The following IMMP2L variants were observed in gnomAD, a reference collection of about 807,000 sequenced individuals.
IMMP2L encodes mitochondrial inner membrane protease subunit 2.
A neutral mutation model predicts 19.3 loss-of-function variants in IMMP2L; 18 were observed. The observed-to-expected ratio is 0.93, with a 90% CI of 0.64 to 1.38. The LOEUF is 1.38. Ranked by LOEUF, IMMP2L falls within the 40% of genes most tolerant of loss-of-function variation. IMMP2L has a pLI of 0.00. For missense variants in IMMP2L, 233 were observed against 218.2 expected, an observed-to-expected ratio of 1.07 and a Z score of -0.43; for synonymous variants, 76 against 73.0, an observed-to-expected ratio of 1.04 and a Z score of -0.21.
At chr7:111,159,663 G>C (rs1189873911) in intron 3 of IMMP2L, among the ~76,000 whole-genome samples, 1 of 152,044 alleles carries the variant, frequency 6.6e-6, no homozygotes, top group Non-Finnish European at 1.5e-5. Context: ...AATTTGTCAT[G>C]AAGGCTTACA....
chr7:111,442,488 T>C (rs1837844368), intron 3 of IMMP2L, among the ~76,000 whole-genome samples: 1 of 151,762 alleles, frequency 6.6e-6, no homozygotes, highest in African/African-American at 2.4e-5. Flanking sequence ...TTGCTCCCTA[T>C]ATAAACTTTC....
intron 3 of IMMP2L, among the ~76,000 whole-genome samples, chr7:111,355,757 T>C (rs1828633501): frequency 1.4e-5 from 2 of 148,002 alleles, no homozygotes; most frequent in Non-Finnish European, 2.9e-5. Context: ...TTTGAAGCTA[T>C]TTTTTTAACT....
chr7:110,992,061 T>C (rs1822530686), intron 3 of IMMP2L, among the ~76,000 whole-genome samples: 2 of 152,142 alleles, frequency 1.3e-5, no homozygotes, highest in South Asian at 2.1e-4. Flanking sequence ...TTGACCGTAT[T>C]TCATGTTTTT....
At chr7:110,838,690 A>G (rs1303999404) in intron 5 of IMMP2L, among the ~76,000 whole-genome samples, 1 of 152,170 alleles carries the variant, frequency 6.6e-6, no homozygotes, top group Non-Finnish European at 1.5e-5. Flanking sequence ...CAGCCTTCAT[A>G]ACTATAATAA....
At chr7:111,033,558 T>C (rs1791044874) in intron 3 of IMMP2L, among the ~76,000 whole-genome samples, 1 of 152,206 alleles carries the variant, frequency 6.6e-6, no homozygotes, top group Admixed American at 6.5e-5. Flanking sequence ...TTGCCAAAAC[T>C]TGTAAACAAC....
chr7:111,135,334 T>C (rs1802230534), intron 3 of IMMP2L, among the ~76,000 whole-genome samples: 1 of 152,146 alleles, frequency 6.6e-6, no homozygotes, highest in African/African-American at 2.4e-5. Context: ...TTATCCATGC[T>C]AACCTACCTT....
At chr7:110,755,392 C>T (rs1797979169) in intron 5 of IMMP2L, among the ~76,000 whole-genome samples, 1 of 152,086 alleles carries the variant, frequency 6.6e-6, no homozygotes, top group Non-Finnish European at 1.5e-5. Context: ...ATTTAAAATA[C>T]TGTTTAAAAT....
chr7:111,555,129 C>A (rs928897066), intron 1 of IMMP2L, among the ~76,000 whole-genome samples: 1 of 152,084 alleles, frequency 6.6e-6, no homozygotes, highest in Non-Finnish European at 1.5e-5. Flanking sequence ...AGGGCCTTTA[C>A]CATAGCAGAT....
intron 4 of IMMP2L, among the ~76,000 whole-genome samples, chr7:110,937,527 T>C (rs538607735): frequency 3.9e-5 from 6 of 152,284 alleles, no homozygotes; most frequent in Non-Finnish European, 7.4e-5. Flanking sequence ...CAGTTTCTAT[T>C]GGATGACTGC....
At chr7:111,428,562 C>A (rs1465369285) in intron 3 of IMMP2L, among the ~76,000 whole-genome samples, 3 of 146,530 alleles carry the variant, frequency 2.0e-5, no homozygotes, top group Non-Finnish European at 4.4e-5. Flanking sequence ...TTCTTTGATA[C>A]AGTAACTTTC....
chr7:111,121,723 T>C (rs1800646376), intron 3 of IMMP2L, among the ~76,000 whole-genome samples: 1 of 152,152 alleles, frequency 6.6e-6, no homozygotes, highest in Non-Finnish European at 1.5e-5. Context: ...AGCCAACCCA[T>C]TACTGGGTAT....
At chr7:111,026,572 C>T (rs1239583745) in intron 3 of IMMP2L, among the ~76,000 whole-genome samples, 1 of 152,086 alleles carries the variant, frequency 6.6e-6, no homozygotes, top group Non-Finnish European at 1.5e-5. Context: ...ATATAAATAG[C>T]TCGGAAATTC....
At chr7:110,940,803 G>A (rs761156862) in intron 4 of IMMP2L, among the ~76,000 whole-genome samples, 40 of 151,938 alleles carry the variant, frequency 2.6e-4, no homozygotes, top group Non-Finnish European at 5.0e-4. Context: ...GGTGTCATGG[G>A]AAAGAAAAAC....
At chr7:110,835,263 G>A (rs1396270860) in intron 5 of IMMP2L, among the ~76,000 whole-genome samples, 6 of 152,188 alleles carry the variant, frequency 3.9e-5, no homozygotes, top group Non-Finnish European at 8.8e-5. Flanking sequence ...GAGAGAACAT[G>A]CTGGGAGAGA....
chr7:110,965,234 G>T (rs1585483730), intron 3 of IMMP2L, among the ~76,000 whole-genome samples: 1 of 152,070 alleles, frequency 6.6e-6, no homozygotes, highest in Non-Finnish European at 1.5e-5. Flanking sequence ...TCAAAATCAT[G>T]CATAGATAAA....
intron 5 of IMMP2L, among the ~76,000 whole-genome samples, chr7:110,691,688 T>C (rs938645839): frequency 5.3e-5 from 8 of 151,820 alleles, no homozygotes; most frequent in African/African-American, 1.9e-4. Flanking sequence ...GATAAACAAA[T>C]GGCTGACAAA....
intron 3 of IMMP2L, among the ~76,000 whole-genome samples, chr7:111,345,852 A>C (rs1827484749): frequency 6.6e-6 from 1 of 152,142 alleles, no homozygotes; most frequent in African/African-American, 2.4e-5. Flanking sequence ...AAACCTACCT[A>C]AACTCTTTAA....
intron 3 of IMMP2L, among the ~76,000 whole-genome samples, chr7:111,201,576 G>T (rs907429876): frequency 9.2e-5 from 14 of 151,936 alleles, no homozygotes; most frequent in Non-Finnish European, 1.6e-4. Context: ...AATTTGCTAG[G>T]CATGGTGGCA....
At chr7:110,948,346 G>C (rs1209249891) in intron 4 of IMMP2L, among the ~76,000 whole-genome samples, 1 of 152,108 alleles carries the variant, frequency 6.6e-6, no homozygotes, top group Admixed American at 6.5e-5. Context: ...CAATGTGTTA[G>C]ATAATATTTG....
Sources: allele counts gnomAD v4.1 joint callset (sites outside exome capture counted in the v4.1 genomes callset), GRCh38; gene constraint gnomAD v4.1.1; transcripts MANE v1.5; gene names NCBI Gene and HGNC (gene_info 2026-07-23, HGNC 2026-07-21).